USP14: variants seen among roughly 807,000 people sequenced by gnomAD.
USP14 encodes ubiquitin specific peptidase 14.
In USP14, 38 loss-of-function variants were observed where a neutral mutation model predicts 76.5. The observed-to-expected ratio is 0.50, with a 90% CI of 0.38 to 0.65. The LOEUF (loss-of-function observed/expected upper bound fraction) is 0.65. Ranked by LOEUF, USP14 falls within the 30% of genes least tolerant of loss-of-function variation. The pLI is 0.00. For missense variants in USP14, 467 were observed against 586.5 expected, an observed-to-expected ratio of 0.80 and a Z score of 2.10; for synonymous variants, 192 against 191.7, an observed-to-expected ratio of 1.00 and a Z score of -0.01.
intron 13 of USP14, among the ~76,000 whole-genome samples, chr18:208,367 A>G (rs1160624533): frequency 2.0e-5 from 3 of 152,042 alleles, no homozygotes; most frequent in Non-Finnish European, 4.4e-5. Flanking sequence ...CATTGCTGAT[A>G]TTAGTAATTT....
At chr18:174,092 G>A (rs1909554046) in intron 3 of USP14, among the ~76,000 whole-genome samples, 1 of 152,144 alleles carries the variant, frequency 6.6e-6, no homozygotes, top group African/African-American at 2.4e-5. Context: ...TTCTCCATAA[G>A]AGTCTGCTGG....
chr18:205,856 T>C (rs1598280019), intron 13 of USP14, among the ~76,000 whole-genome samples: 1 of 152,232 alleles, frequency 6.6e-6, no homozygotes, highest in South Asian at 2.1e-4. Context: ...CATAATTCTC[T>C]GGCGACTCAT....
At chr18:166,312 A>G (rs1333038711) in intron 2 of USP14, among the ~76,000 whole-genome samples, 1 of 152,152 alleles carries the variant, frequency 6.6e-6, no homozygotes, top group Non-Finnish European at 1.5e-5. Flanking sequence ...CCCTGGCTTT[A>G]GTACCACTTG....
In USP14 at chr18:183,523, G is replaced by A. The variant is rs576410531; in HGVS notation, c.404+3184G>A. 2.0e-5 allele frequency among the ~76,000 whole-genome samples: 3 copies of A among 151,888 alleles called. No individual in the cohort carries two copies. The South Asian group carries it at 6.3e-4, about 32-fold the overall frequency. On this transcript the variant is annotated intron_variant, in intron 5 of 15. Coordinates refer to ENST00000261601, the MANE Select transcript of USP14 (RefSeq NM_005151.4). ...TTAAAATTTCTAGATCTGTTTTTTA[G>A]TCTTCTAACTTTCCTCCGTGTTTTA...
At chr18:192,479 T>C (rs1298147068) in intron 5 of USP14, among the ~76,000 whole-genome samples, 1 of 152,028 alleles carries the variant, frequency 6.6e-6, no homozygotes, top group African/African-American at 2.4e-5. Context: ...CAGGAGAAAT[T>C]GCTTGAACCC....
intron 5 of USP14, among the ~76,000 whole-genome samples, chr18:189,119 T>G (rs1910017120): frequency 6.6e-6 from 1 of 152,104 alleles, no homozygotes; most frequent in South Asian, 2.1e-4. Context: ...TTTTTTTGTA[T>G]TTTTATTTCT....
chr18:207,034 A>AACTTCATGTGTCTTTCTATTCATT (rs1422925440), intron 13 of USP14, among the ~76,000 whole-genome samples: 2 of 146,630 alleles, frequency 1.4e-5, no homozygotes, highest in African/African-American at 2.4e-5. Context: ...TTGCATGTGA[A>AACTTCATGTGTCTTTCTATTCATT]TATCTGGTTG....
intron 2 of USP14, 51 bp downstream of exon 2, chr18:163,504 G>T: frequency 6.5e-7 from 1 of 1,541,356 alleles, no homozygotes; most frequent in South Asian, 1.2e-5. Context: ...TATACTTTTT[G>T]AAAAATAACG....
In USP14 at chr18:163,300, G is replaced by A; in HGVS notation, c.17-8G>A. ...TTTTAATTAAAAAAATTGTGATTTT[G>A]TTTGCAGTTACTGTAAAATGGGGAA... On this transcript the variant is annotated splice_polypyrimidine_tract_variant and splice_region_variant and intron_variant, in intron 1 of 15. Coordinates refer to ENST00000261601, the MANE Select transcript of USP14 (RefSeq NM_005151.4). 1 of 1,597,488 alleles carries A rather than the reference G, an allele frequency of 6.3e-7. No homozygotes were observed. Among genetic ancestry groups the A allele is most frequent in the Non-Finnish European group, 8.5e-7 (1 of 1,171,758 alleles).
chr18:184,636 G>C (rs1012230629), intron 5 of USP14, among the ~76,000 whole-genome samples: 1 of 152,174 alleles, frequency 6.6e-6, no homozygotes, highest in Non-Finnish European at 1.5e-5. Flanking sequence ...CAGGCATGGT[G>C]GTGTGTGCCT....
At chr18:193,196 G>A (rs1175428519) in intron 6 of USP14, among the ~76,000 whole-genome samples, 4 of 152,114 alleles carry the variant, frequency 2.6e-5, no homozygotes, top group Non-Finnish European at 5.9e-5. Context: ...GATAGCCAGC[G>A]ACGGGTTTTA....
chr18:173,354 G>T (rs547531871), intron 3 of USP14, among the ~76,000 whole-genome samples: 1 of 151,632 alleles, frequency 6.6e-6, no homozygotes, highest in African/African-American at 2.4e-5. Flanking sequence ...CTCGTGATCA[G>T]CCCGCCTTGG....
intron 3 of USP14, among the ~76,000 whole-genome samples, chr18:172,584 G>A (rs915788449): frequency 6.6e-6 from 1 of 152,092 alleles, no homozygotes; most frequent in Non-Finnish European, 1.5e-5. Context: ...AGGTTTCATT[G>A]TTGTCTCATT....
At chr18:206,765 G>A (rs1436145413) in intron 13 of USP14, among the ~76,000 whole-genome samples, 1 of 152,152 alleles carries the variant, frequency 6.6e-6, no homozygotes, top group Non-Finnish European at 1.5e-5. Context: ...GCTGGGTATG[G>A]TGGTGCGGAC....
chr18:175,700 G>T (rs1909607827), intron 3 of USP14, among the ~76,000 whole-genome samples: 1 of 152,166 alleles, frequency 6.6e-6, no homozygotes, highest in Middle Eastern at 3.4e-3. Context: ...TTTGCTATCA[G>T]TGTAATGTTA....
In USP14 at chr18:211,338, A is replaced by G. The variant is rs1910664524; in HGVS notation, c.*54A>G. On this transcript the variant is annotated 3_prime_UTR_variant, in exon 16 of 16. Coordinates refer to ENST00000261601, the MANE Select transcript of USP14 (RefSeq NM_005151.4). ...TGAAAATAAATGTTATTTGTTGATC[A>G]TTTCTATAATCCAGAGCTTTAGAGG... is the stretch of plus-strand genomic sequence containing the variant. 1 of 1,550,060 alleles carries G rather than the reference A, an allele frequency of 6.5e-7. No homozygotes were observed. Among genetic ancestry groups the G allele is most frequent in the Non-Finnish European group, 8.8e-7 (1 of 1,140,796 alleles).
intron 3 of USP14, among the ~76,000 whole-genome samples, chr18:171,025 A>AAAAAATATAT (rs1327304974): frequency 2.1e-5 from 1 of 47,684 alleles, no homozygotes; most frequent in Non-Finnish European, 3.7e-5. Flanking sequence ...AAAAAAAAAA[A>AAAAAATATAT]ATATATATAT....
chr18:185,083 G>C (rs904230172), intron 5 of USP14, among the ~76,000 whole-genome samples: 1 of 152,068 alleles, frequency 6.6e-6, no homozygotes, highest in Non-Finnish European at 1.5e-5. Flanking sequence ...TTGGAGACTG[G>C]CAAGCCCCAG....
chr18:200,593 T>G (rs1292721254), intron 10 of USP14, among the ~76,000 whole-genome samples: 1 of 152,208 alleles, frequency 6.6e-6, no homozygotes, highest in East Asian at 1.9e-4. Flanking sequence ...ACATAAAATG[T>G]CAGCTTCCAC....
Sources: allele counts gnomAD v4.1 joint callset (sites outside exome capture counted in the v4.1 genomes callset), GRCh38; gene constraint gnomAD v4.1.1; transcripts MANE v1.5; gene names NCBI Gene and HGNC (gene_info 2026-07-23, HGNC 2026-07-21).